MED26: variants seen among roughly 807,000 people sequenced by gnomAD.
The protein encoded by MED26 is mediator complex subunit 26, also known as mediator of RNA polymerase II transcription subunit 26.
MED26 carries 7 observed loss-of-function variants against 43.7 expected under a neutral mutation model. The ratio of observed to expected loss-of-function variants is 0.16; its 90% CI spans 0.09 to 0.30. The LOEUF is 0.30. Among genes scored for constraint, MED26 ranks in the 10% least tolerant of loss-of-function variants. MED26 has a pLI of 1.00. For missense variants in MED26, 784 were observed against 840.6 expected, an observed-to-expected ratio of 0.93 and a Z score of 0.83; for synonymous variants, 375 against 371.1, an observed-to-expected ratio of 1.01 and a Z score of -0.12.
intron 1 of MED26, among the ~76,000 whole-genome samples, chr19:16,618,746 T>C (rs751034870): frequency 6.6e-6 from 1 of 152,210 alleles, no homozygotes; most frequent in Non-Finnish European, 1.5e-5. Flanking sequence ...ATCCCCTCTA[T>C]TGTGGGACTG....
rs1196210496 is a variant in MED26, at chr19:16,587,869, TG to T, written c.73-9461del. On this transcript the variant is annotated intron_variant, in intron 1 of 2. Transcript: ENST00000263390. The surrounding 1 kb of genome is among the most constrained non-coding windows in gnomAD (Gnocchi z 4.9). ...ACTCAGAAAGAGGAAGCCCAGGGCT[TG>T]GGGCAGAAGTAGGAGCTCCATCAGT... 2.0e-5 allele frequency: 3 copies of T among 152,176 alleles called. No individual in the cohort carries two copies. The highest frequency in any genetic ancestry group is 7.2e-5 in the African/African-American group (3 of 41,426). The allele number at this position is 152,176 out of a possible 1,614,324, so 9.4% of individuals were successfully genotyped here.
intron 1 of MED26, among the ~76,000 whole-genome samples, chr19:16,620,876 C>T (rs543345502): frequency 4.6e-5 from 7 of 152,246 alleles, no homozygotes; most frequent in East Asian, 1.9e-4. Flanking sequence ...GTTCTGTCCT[C>T]GAATTTTCTT....
chr19:16,601,141 C>A (rs1002432867), intron 1 of MED26, among the ~76,000 whole-genome samples: 25 of 151,178 alleles, frequency 1.7e-4, no homozygotes, highest in African/African-American at 5.4e-4. Flanking sequence ...GCCCAGGCAG[C>A]CTGGTTACAA....
intron 1 of MED26, among the ~76,000 whole-genome samples, chr19:16,579,141 T>C (rs756177682): frequency 5.3e-5 from 8 of 152,058 alleles, no homozygotes; most frequent in Non-Finnish European, 1.0e-4. Flanking sequence ...CCAGTCAATC[T>C]GAATCCAAAG....
intron 1 of MED26, among the ~76,000 whole-genome samples, chr19:16,600,772 T>A (rs916567166): frequency 2.6e-5 from 4 of 152,158 alleles, no homozygotes; most frequent in African/African-American, 9.7e-5. Flanking sequence ...ACAGCCTCAG[T>A]GAGGCCGATC....
intron 1 of MED26, among the ~76,000 whole-genome samples, chr19:16,597,264 AGCCT>A (rs1367804598): frequency 6.6e-6 from 1 of 152,188 alleles, no homozygotes; most frequent in Non-Finnish European, 1.5e-5. Flanking sequence ...AATTCAGAAC[AGCCT>A]CAAAAGCAAG....
Position 16,577,484 on chromosome 19 carries a change from C to T in MED26, c.346G>A (p.Gly116Arg). Residue 116 changes from glycine to arginine, a missense_variant, in exon 3 of 3, where the codon GGG becomes AGG. Around this residue, in one of 3 missense-constraint regions of MED26, gnomAD observed 719 missense variants for 730.9 expected, o/e 0.98. Transcript: ENST00000263390. This position sits in a 1 kb window ranked among gnomAD's most constrained non-coding sequence, Gnocchi z 8.1. ...ATGCTCCTGGGTGGGCCAGCCGCCC[C>T]CACCTCCGGCCGGCAGTTGTGTGCG... ...GGAHNCRPEV[G>R]AAGPPRSIHD... 6.3e-7 allele frequency: 1 copy of T among 1,589,182 alleles called. No homozygotes were observed. Among genetic ancestry groups the T allele is most frequent in the Non-Finnish European group, 8.6e-7 (1 of 1,165,174 alleles).
chr19:16,624,874 G>A (rs564430659), intron 1 of MED26, among the ~76,000 whole-genome samples: 45 of 152,206 alleles, frequency 3.0e-4, no homozygotes, highest in Non-Finnish European at 6.0e-4. Context: ...TTCTGCTCTA[G>A]AGGGAGAAGA....
intron 1 of MED26, among the ~76,000 whole-genome samples, chr19:16,585,472 A>T (rs534977703): frequency 2.6e-5 from 4 of 152,118 alleles, no homozygotes; most frequent in Non-Finnish European, 4.4e-5. Context: ...GGGGAGAAAC[A>T]TAACAATGAG....
intron 1 of MED26, among the ~76,000 whole-genome samples, chr19:16,609,731 T>C (rs1200411738): frequency 2.6e-5 from 4 of 152,092 alleles, no homozygotes; most frequent in South Asian, 4.2e-4. Flanking sequence ...ACATTACATA[T>C]AAATGAAAAG....
intron 2 of MED26, chr19:16,578,058 G>GTCCCA (rs1057001518): frequency 6.3e-5 from 33 of 521,990 alleles, no homozygotes; most frequent in African/African-American, 3.9e-4. Context: ...GTTGGGGATG[G>GTCCCA]TGCCTCTCAC....
intron 1 of MED26, among the ~76,000 whole-genome samples, chr19:16,600,153 T>TCC (rs1401746492): frequency 6.6e-6 from 1 of 150,744 alleles, no homozygotes; most frequent in Non-Finnish European, 1.5e-5. Context: ...CCTCCCTAGG[T>TCC]CCCCCCTCAT....
intron 1 of MED26, among the ~76,000 whole-genome samples, chr19:16,590,053 G>T (rs904345472): frequency 1.3e-5 from 2 of 152,228 alleles, no homozygotes; most frequent in Admixed American, 1.3e-4. Flanking sequence ...TCCTGCCCTG[G>T]ATGGGACTGA....
At position 16,575,953 on chromosome 19, in the gene MED26, G is replaced by A; in HGVS notation, c.*74C>T. On this transcript the variant is annotated 3_prime_UTR_variant, in exon 3 of 3. Transcript: ENST00000263390. ...CAGCGCAGGAGGCAGCTGGGCCCCG[G>A]CCACCTGCCCACCTGCCTGCCCGCC... The A allele has an allele frequency of 6.9e-7, 1 of 1,449,340 alleles. No homozygotes were observed. Among genetic ancestry groups the A allele is most frequent in the Non-Finnish European group, 9.4e-7 (1 of 1,064,248 alleles). The allele number at this position is 1,449,340 out of a possible 1,614,324, so 89.8% of individuals were successfully genotyped here. A position where few individuals can be genotyped will look rare whatever the true frequency, so the allele number is the denominator to read the frequency against.
intron 1 of MED26, among the ~76,000 whole-genome samples, chr19:16,605,506 C>A (rs926452969): frequency 1.3e-5 from 2 of 152,206 alleles, no homozygotes; most frequent in Admixed American, 1.3e-4. Flanking sequence ...GGCAGCAGCA[C>A]CTGGGGCCAC....
chr19:16,609,311 CAAAAAAAAAAAAAAAAAA>C (rs777358965), intron 1 of MED26, among the ~76,000 whole-genome samples: 1 of 25,070 alleles, frequency 4.0e-5, no homozygotes, highest in Admixed American at 3.7e-4. Context: ...GACTCCGTCT[CAAAAAAAAAAAAAAAAAA>C]AAAAAAAAGA....
rs546929512 is a variant in MED26, at chr19:16,575,599, A to G, written c.*428T>C. 5.2e-5 allele frequency: 9 copies of G among 173,960 alleles called. No individual in the cohort carries two copies. The East Asian group carries it at 1.1e-3, about 20-fold the overall frequency. 10.8% of individuals were successfully genotyped at this position (173,960 alleles called of 1,614,324 possible). A position where few individuals can be genotyped will look rare whatever the true frequency, so the allele number is the denominator to read the frequency against. On this transcript the variant is annotated 3_prime_UTR_variant, in exon 3 of 3. Coordinates refer to ENST00000263390, the MANE Select transcript of MED26 (RefSeq NM_004831.5). ...GGCCAAATTAAAGAACAGAAAATGC[A>G]AGAGAGATGAGATGCGTGCTTCTGT...
In MED26 at chr19:16,627,957, C is replaced by CG. The variant is rs1305555599; in HGVS notation, c.-15dup. On this transcript the variant is annotated 5_prime_UTR_variant, in exon 1 of 3. Coordinates refer to ENST00000263390, the MANE Select transcript of MED26 (RefSeq NM_004831.5). ...AGCCGCTGTCATTGCCTGGGCGAGG[C>CG]GGGGGGTTGCGGCCGGGCCAGCGGG... is the stretch of plus-strand genomic sequence containing the variant. The CG allele has an allele frequency of 2.8e-6, 4 of 1,438,116 alleles. No homozygotes were observed. The highest frequency in any genetic ancestry group is 2.4e-5 in the Admixed American group (1 of 42,008). The allele number at this position is 1,438,116 out of a possible 1,614,324, so 89.1% of individuals were successfully genotyped here. A position where few individuals can be genotyped will look rare whatever the true frequency, so the allele number is the denominator to read the frequency against.
intron 1 of MED26, among the ~76,000 whole-genome samples, chr19:16,614,916 C>T (rs1401985035): frequency 2.6e-5 from 4 of 152,174 alleles, no homozygotes; most frequent in South Asian, 2.1e-4. Context: ...TGAATTCTTA[C>T]CCCCAAGCCC....
Sources: allele counts gnomAD v4.1 joint callset (sites outside exome capture counted in the v4.1 genomes callset), GRCh38; gene constraint gnomAD v4.1.1; regional missense constraint gnomAD v4.1.1; non-coding constraint Gnocchi (gnomAD v3.1); transcripts MANE v1.5; gene names NCBI Gene and HGNC (gene_info 2026-07-23, HGNC 2026-07-21).